CARMIL1: variants seen among roughly 807,000 people sequenced by gnomAD.
The protein encoded by CARMIL1 is capping protein regulator and myosin 1 linker 1.
In CARMIL1, 90 loss-of-function variants were observed where a neutral mutation model predicts 177.1. The ratio of observed to expected loss-of-function variants is 0.51; its 90% CI spans 0.43 to 0.61. The LOEUF (loss-of-function observed/expected upper bound fraction) is 0.61. CARMIL1 is among the 20% of genes least tolerant of loss of function. The pLI is 0.00. For missense variants in CARMIL1, 1,380 were observed against 1,667.0 expected, an observed-to-expected ratio of 0.83 and a Z score of 3.00; for synonymous variants, 577 against 606.2, an observed-to-expected ratio of 0.95 and a Z score of 0.71.
intron 29 of CARMIL1, among the ~76,000 whole-genome samples, chr6:25,573,906 CTTGGG>C (rs1812348583): frequency 6.6e-6 from 1 of 152,122 alleles, no homozygotes. Context: ...AATTTGAGTT[CTTGGG>C]CTCTGGAAAA....
At position 25,451,950 on chromosome 6, in the gene CARMIL1, G is replaced by A. The variant is rs1363210957; in HGVS notation, c.614+1239G>A. The A allele has an allele frequency of 4.9e-6, 3 of 610,378 alleles. No individual in the cohort carries two copies. The African/African-American group carries it at 5.8e-5, about 12-fold the overall frequency. 37.8% of individuals were successfully genotyped at this position (610,378 alleles called of 1,614,324 possible). A position where few individuals can be genotyped will look rare whatever the true frequency, so the allele number is the denominator to read the frequency against. On this transcript the variant is annotated intron_variant, in intron 8 of 36. Coordinates refer to ENST00000329474, the MANE Select transcript of CARMIL1 (RefSeq NM_017640.6). ...GACAACTGAAGTGTCACAGAGGATT[G>A]TTGTTGCCCATATGTCATCTCATCA...
In CARMIL1 at chr6:25,444,426, C is replaced by T. The variant is rs559258429; in HGVS notation, c.372-5472C>T. ...TTCTAGGGTACATGTGCACAACATG[C>T]AGGTTTGATACAAAGGTATACATGT... On this transcript the variant is annotated intron_variant, in intron 5 of 36. Transcript: ENST00000329474. Among the ~76,000 whole-genome samples the T allele has an allele frequency of 3.5e-3, 535 of 151,500 alleles. 9 individuals are homozygous for T. The highest frequency in any genetic ancestry group is 0.012 in the African/African-American group (477 of 41,260).
chr6:25,521,512 G>A (rs995075171), intron 23 of CARMIL1, among the ~76,000 whole-genome samples: 1 of 152,226 alleles, frequency 6.6e-6, no homozygotes, highest in Non-Finnish European at 1.5e-5. Context: ...GCTCACGCCT[G>A]TAATCCCAAC....
chr6:25,479,903 C>G (rs1801930870), intron 11 of CARMIL1, among the ~76,000 whole-genome samples: 1 of 151,980 alleles, frequency 6.6e-6, no homozygotes, highest in Non-Finnish European at 1.5e-5. Context: ...ATTTTTGACT[C>G]TTTTGTTATT....
intron 2 of CARMIL1, among the ~76,000 whole-genome samples, chr6:25,356,550 C>T (rs1398984985): frequency 2.6e-5 from 4 of 152,212 alleles, no homozygotes; most frequent in Admixed American, 6.5e-5. Flanking sequence ...AGTAACTCAG[C>T]TGAAAATACT....
At chr6:25,303,242 A>G (rs1169129245) in intron 2 of CARMIL1, among the ~76,000 whole-genome samples, 1 of 151,616 alleles carries the variant, frequency 6.6e-6, no homozygotes, top group African/African-American at 2.4e-5. Context: ...ATAATGCGTG[A>G]TTTTATTTTA....
At chr6:25,545,270 G>A (rs898402907) in intron 26 of CARMIL1, among the ~76,000 whole-genome samples, 2 of 152,112 alleles carry the variant, frequency 1.3e-5, no homozygotes, top group Admixed American at 6.5e-5. Flanking sequence ...CCTAAATATC[G>A]TACAAGGTTG....
chr6:25,538,114 T>G, intron 25 of CARMIL1, 131 bp downstream of exon 25: 1 of 978,694 alleles, frequency 1.0e-6, no homozygotes. Flanking sequence ...CAAAGTGAAC[T>G]GAATTAGCCT....
chr6:25,397,478 G>T (rs533786204), intron 2 of CARMIL1, among the ~76,000 whole-genome samples: 2 of 152,196 alleles, frequency 1.3e-5, no homozygotes, highest in African/African-American at 4.8e-5. Flanking sequence ...ATAGGGTGGG[G>T]CAGATAGGGA....
intron 2 of CARMIL1, among the ~76,000 whole-genome samples, chr6:25,285,266 T>A (rs2690048): frequency 6.6e-6 from 1 of 152,292 alleles, no homozygotes; most frequent in African/African-American, 2.4e-5. Flanking sequence ...TAAAGTCTTA[T>A]GGAGGAGTTT....
intron 5 of CARMIL1, among the ~76,000 whole-genome samples, chr6:25,444,190 G>A (rs10946782): frequency 0.1 from 15,195 of 152,096 alleles, 852 homozygotes; most frequent in East Asian, 0.2. Flanking sequence ...GGCATGCAAT[G>A]CTGTTTGATA....
intron 2 of CARMIL1, among the ~76,000 whole-genome samples, chr6:25,399,528 A>G (rs1793717111): frequency 6.6e-6 from 1 of 152,274 alleles, no homozygotes; most frequent in African/African-American, 2.4e-5. Flanking sequence ...CATTGAAACC[A>G]CATATCAAAC....
At chr6:25,369,437 A>G (rs1022218809) in intron 2 of CARMIL1, among the ~76,000 whole-genome samples, 1 of 148,828 alleles carries the variant, frequency 6.7e-6, no homozygotes, top group Non-Finnish European at 1.5e-5. Flanking sequence ...TTCTCAGTTA[A>G]TCAGATGCTT....
chr6:25,586,908 A>T (rs370850909), intron 31 of CARMIL1, among the ~76,000 whole-genome samples: 2,338 of 152,016 alleles, frequency 0.015, 34 homozygotes, highest in Non-Finnish European at 0.021. Context: ...GCAGCAGTAC[A>T]GTCCAGCCTC....
intron 24 of CARMIL1, among the ~76,000 whole-genome samples, chr6:25,529,259 C>T (rs915472905): frequency 2.0e-5 from 3 of 151,752 alleles, no homozygotes; most frequent in African/African-American, 7.3e-5. Flanking sequence ...TACAGATTCC[C>T]AGATTTTATG....
intron 2 of CARMIL1, among the ~76,000 whole-genome samples, chr6:25,371,007 A>ATTTGGTTTTC (rs1337269753): frequency 2.0e-5 from 3 of 152,162 alleles, no homozygotes; most frequent in African/African-American, 7.2e-5. Context: ...ATAAGTGAGA[A>ATTTGGTTTTC]CATACGGTAT....
intron 2 of CARMIL1, among the ~76,000 whole-genome samples, chr6:25,386,863 C>T (rs1369682090): frequency 6.6e-6 from 1 of 151,934 alleles, no homozygotes; most frequent in Non-Finnish European, 1.5e-5. Flanking sequence ...TGTGGTGGCT[C>T]ATGCCTGTAA....
intron 29 of CARMIL1, among the ~76,000 whole-genome samples, chr6:25,567,665 C>T (rs1251882948): frequency 6.6e-6 from 1 of 152,062 alleles, no homozygotes; most frequent in African/African-American, 2.4e-5. Context: ...TTTACTTGGG[C>T]TGAAATTTGG....
chr6:25,487,581 C>T lies in CARMIL1; in HGVS notation c.962-901C>T, dbSNP rs777879330. 3.4e-4 allele frequency among the ~76,000 whole-genome samples: 52 copies of T among 152,182 alleles called. 1 individual carries two copies. The highest frequency in any genetic ancestry group is 7.3e-4 in the Non-Finnish European group (50 of 68,028). ...AGAAACATGAAGAGCTTTGCTATCT[C>T]GCACATTCCCATTATGCTAAGTAAA... On this transcript the variant is annotated intron_variant, in intron 12 of 36. Transcript: ENST00000329474.
Sources: allele counts gnomAD v4.1 joint callset (sites outside exome capture counted in the v4.1 genomes callset), GRCh38; gene constraint gnomAD v4.1.1; transcripts MANE v1.5; gene names NCBI Gene and HGNC (gene_info 2026-07-23, HGNC 2026-07-21).